Variants in PRIMPOL observed in about 807,000 individuals in gnomAD.
PRIMPOL encodes the protein primase and DNA directed polymerase.
Under a neutral mutation model 63.6 loss-of-function variants are expected in PRIMPOL, and 54 were observed. The ratio of observed to expected loss-of-function variants is 0.85; its 90% CI spans 0.68 to 1.07. PRIMPOL has a LOEUF of 1.07. PRIMPOL is among the 50% of genes least tolerant of loss of function. The pLI, the probability that PRIMPOL is intolerant of heterozygous loss-of-function variation, is 0.00. For synonymous variants in PRIMPOL, 197 were observed against 220.2 expected (o/e 0.89, Z 0.93); for missense variants, 610 against 648.3 (o/e 0.94, Z 0.64).
chr4:184,660,092 A>C (rs1747864624), intron 4 of PRIMPOL, among the ~76,000 whole-genome samples: 1 of 151,822 alleles, frequency 6.6e-6, no homozygotes, highest in South Asian at 2.1e-4. Flanking sequence ...AAGTGTTGGG[A>C]TTACAGGTGT....
At chr4:184,693,564 G>C (rs1487308338) in intron 13 of PRIMPOL, among the ~76,000 whole-genome samples, 2 of 152,102 alleles carry the variant, frequency 1.3e-5, no homozygotes, top group African/African-American at 2.4e-5. Flanking sequence ...TAAATTACCA[G>C]TTGGTGTTAT....
intron 9 of PRIMPOL, among the ~76,000 whole-genome samples, chr4:184,684,446 ACT>A (rs10550010): frequency 0.86 from 130,957 of 151,498 alleles, 56,700 homozygotes; most frequent in East Asian, 1. Context: ...ACAGAGCAAG[ACT>A]CTGTCTCAAG....
At chr4:184,689,576 C>CG (rs1431831150) in intron 11 of PRIMPOL, among the ~76,000 whole-genome samples, 6 of 151,232 alleles carry the variant, frequency 4.0e-5, no homozygotes, top group Admixed American at 3.3e-4. Context: ...CCTCAGCCCC[C>CG]CGAGTAGCTG....
At chr4:184,690,691 C>T (rs572664623) in intron 11 of PRIMPOL, among the ~76,000 whole-genome samples, 5 of 152,222 alleles carry the variant, frequency 3.3e-5, no homozygotes, top group Admixed American at 1.3e-4. Flanking sequence ...TTATTCAGTT[C>T]GTTGTTTTCC....
At chr4:184,663,263 T>C (rs1449668493) in intron 5 of PRIMPOL, among the ~76,000 whole-genome samples, 1 of 152,090 alleles carries the variant, frequency 6.6e-6, no homozygotes, top group African/African-American at 2.4e-5. Context: ...CAGGCTGTTC[T>C]TGAACTCCTG....
chr4:184,694,189 T>TATC, intron 13 of PRIMPOL: 2 of 1,039,618 alleles, frequency 1.9e-6, no homozygotes, highest in Non-Finnish European at 2.3e-6. Context: ...ATAGCAAATT[T>TATC]ATCTTCTGAT....
chr4:184,691,446 G>C, intron 11 of PRIMPOL, 53 bp from the exon 12 acceptor site: 2 of 1,082,632 alleles, frequency 1.8e-6, no homozygotes, highest in Non-Finnish European at 2.7e-6. Flanking sequence ...GCTGGATTTT[G>C]TTTTCTACCC....
chr4:184,670,302 G>C (rs1167927901), intron 6 of PRIMPOL, among the ~76,000 whole-genome samples: 1 of 152,110 alleles, frequency 6.6e-6, no homozygotes, highest in Non-Finnish European at 1.5e-5. Flanking sequence ...TTATTGTCTG[G>C]GGTCAAGTAG....
intron 6 of PRIMPOL, among the ~76,000 whole-genome samples, chr4:184,667,737 G>A (rs2150075034): frequency 6.6e-6 from 1 of 152,294 alleles, no homozygotes; most frequent in African/African-American, 2.4e-5. Flanking sequence ...CATTGGCTGA[G>A]TACTATGGGG....
intron 5 of PRIMPOL, among the ~76,000 whole-genome samples, chr4:184,662,477 C>A (rs956120508): frequency 9.9e-5 from 15 of 152,002 alleles, no homozygotes; most frequent in Non-Finnish European, 1.9e-4. Flanking sequence ...TACTGTAGTT[C>A]TTTATTTTTG....
Position 184,672,197 on chromosome 4 carries a change from A to C in PRIMPOL, c.581A>C (p.Gln194Pro), listed in dbSNP as rs760380380. 1.9e-6 allele frequency: 3 copies of C among 1,603,484 alleles called. No individual in the cohort carries two copies. Among genetic ancestry groups the C allele is most frequent in the Admixed American group, 3.5e-5 (2 of 56,890 alleles). The change falls in exon 7 of 14, where the codon CAG (glutamine) becomes CCG (proline). Residue 194 changes from glutamine (Q) to proline (P), a missense_variant. Gln to Pro is a moderately conservative substitution (Grantham distance 76, BLOSUM62 -1). Coordinates refer to ENST00000314970, the MANE Select transcript of PRIMPOL (RefSeq NM_152683.4). The part of the protein sequence containing the change: ...HVGNFLRKIL[Q>P]PALDLLGSED... ...GGTAATTTTTTGAGAAAAATTTTGC[A>C]GCCTGCTCTTGACTTGCTTGGCAGT...
chr4:184,691,169 CT>C (rs1432046955), intron 11 of PRIMPOL, among the ~76,000 whole-genome samples: 1 of 151,672 alleles, frequency 6.6e-6, no homozygotes, highest in Non-Finnish European at 1.5e-5. Context: ...TTTTAAAAAC[CT>C]TGATTTATGG....
At chr4:184,681,949 A>C (rs948502463) in intron 8 of PRIMPOL, among the ~76,000 whole-genome samples, 2 of 152,210 alleles carry the variant, frequency 1.3e-5, no homozygotes, top group Admixed American at 1.3e-4. Flanking sequence ...CCATGGACAC[A>C]GGGCTTCAGC....
chr4:184,678,640 G>C (rs890529340), intron 8 of PRIMPOL, among the ~76,000 whole-genome samples: 1 of 148,904 alleles, frequency 6.7e-6, no homozygotes. Context: ...CCATTCTCCT[G>C]CCTCAGTCTC....
At chr4:184,684,338 C>A (rs746587873) in intron 9 of PRIMPOL, among the ~76,000 whole-genome samples, 4 of 152,078 alleles carry the variant, frequency 2.6e-5, no homozygotes, top group Non-Finnish European at 5.9e-5. Flanking sequence ...CGCCTGTAAT[C>A]CCAGCTACTC....
chr4:184,680,197 A>AAT (rs1554000903), intron 8 of PRIMPOL, among the ~76,000 whole-genome samples: 2 of 150,996 alleles, frequency 1.3e-5, no homozygotes, highest in African/African-American at 4.9e-5. Context: ...TCTAAATATA[A>AAT]TTTTTTTTTT....
At chr4:184,669,570 GA>G (rs1160120006) in intron 6 of PRIMPOL, among the ~76,000 whole-genome samples, 1 of 152,232 alleles carries the variant, frequency 6.6e-6, no homozygotes, top group Non-Finnish European at 1.5e-5. Context: ...TGCTCAGGAA[GA>G]AGGAGAGAAT....
chr4:184,660,523 A>G (rs1748031698), intron 4 of PRIMPOL, among the ~76,000 whole-genome samples: 1 of 152,196 alleles, frequency 6.6e-6, no homozygotes, highest in Admixed American at 6.5e-5. Flanking sequence ...GTGGAAAAGG[A>G]GAGTAAATTG....
intron 13 of PRIMPOL, among the ~76,000 whole-genome samples, chr4:184,692,391 T>C (rs1286924125): frequency 6.8e-6 from 1 of 146,930 alleles, no homozygotes; most frequent in Non-Finnish European, 1.5e-5. Flanking sequence ...GGAGAATCCC[T>C]TGAACCTGGG....
Sources: allele counts gnomAD v4.1 joint callset (sites outside exome capture counted in the v4.1 genomes callset), GRCh38; gene constraint gnomAD v4.1.1; transcripts MANE v1.5; gene names NCBI Gene and HGNC (gene_info 2026-07-23, HGNC 2026-07-21).